The following C1QTNF6 variants were observed in gnomAD, a reference collection of about 807,000 sequenced individuals.
C1QTNF6 encodes the protein complement C1q tumor necrosis factor-related protein 6.
C1QTNF6 carries 17 observed loss-of-function variants against 20.7 expected under a neutral mutation model. The ratio of observed to expected loss-of-function variants is 0.82; its 90% CI spans 0.56 to 1.23. C1QTNF6 has a LOEUF of 1.23. Ranked by LOEUF, C1QTNF6 falls within the 50% of genes most tolerant of loss-of-function variation. The probability of loss-of-function intolerance (pLI) is 0.00; values close to 1 mark genes in which losing one functional copy is unlikely to be tolerated. For synonymous variants in C1QTNF6, 130 were observed against 156.3 expected (o/e 0.83, Z 1.25); for missense variants, 329 against 389.7 (o/e 0.84, Z 1.31).
Position 37,181,898 on chromosome 22 carries a change from C to T in C1QTNF6, c.*290G>A, listed in dbSNP as rs555884512. The T allele has an allele frequency of 1.5e-4, 64 of 441,260 alleles. No individual in the cohort carries two copies. Among genetic ancestry groups the T allele is most frequent in the African/African-American group, 1.1e-3 (56 of 50,620 alleles). 27.3% of individuals were successfully genotyped at this position (441,260 alleles called of 1,614,324 possible). A position where few individuals can be genotyped will look rare whatever the true frequency, so the allele number is the denominator to read the frequency against. On this transcript the variant is annotated 3_prime_UTR_variant, in exon 3 of 3. Coordinates refer to ENST00000337843, the MANE Select transcript of C1QTNF6 (RefSeq NM_031910.4). ...TCAGAATCTGCATTTAACACGAACC[C>T]CGGGTGATTCGCATGCATTTCCAAG...
chr22:37,183,306 G>A (rs1161427727), intron 2 of C1QTNF6, among the ~76,000 whole-genome samples: 3 of 152,236 alleles, frequency 2.0e-5, no homozygotes, highest in Non-Finnish European at 4.4e-5. Context: ...TTTTAAAGAG[G>A]ATTATGTCCA....
rs922018789 is a variant in C1QTNF6 at position 37,181,333 on chromosome 22, G to A, written c.*855C>T. Reference sequence around the variant, plus strand: ...AGTGGTGCAGGCCTGAGCAAGAGAAGAGGGGGAAGGGGTAAAGAGAACATA... The same window carrying A: ...AGTGGTGCAGGCCTGAGCAAGAGAAAAGGGGGAAGGGGTAAAGAGAACATA... On this transcript the variant is annotated 3_prime_UTR_variant, in exon 3 of 3. Coordinates refer to ENST00000337843, the MANE Select transcript of C1QTNF6 (RefSeq NM_031910.4). The A allele has an allele frequency of 1.3e-5, 2 of 152,468 alleles. No individual in the cohort carries two copies. The highest frequency in any genetic ancestry group is 2.9e-5 in the Non-Finnish European group (2 of 68,226). The allele number at this position is 152,468 out of a possible 1,614,324, so 9.4% of individuals were successfully genotyped here. A position where few individuals can be genotyped will look rare whatever the true frequency, so the allele number is the denominator to read the frequency against.
intron 1 of C1QTNF6, 81 bp from the exon 2 acceptor site, chr22:37,185,536 C>G: frequency 1.4e-6 from 2 of 1,443,646 alleles, no homozygotes; most frequent in Non-Finnish European, 1.8e-6. Flanking sequence ...GCGGGTGCTG[C>G]GTCCTCCAGC....
intron 2 of C1QTNF6, among the ~76,000 whole-genome samples, chr22:37,183,645 G>T (rs956747657): frequency 4.6e-5 from 7 of 152,370 alleles, no homozygotes; most frequent in African/African-American, 1.7e-4. Flanking sequence ...TTTCCACAGG[G>T]GGGGAAGGGG....
chr22:37,182,536 C>T lies in C1QTNF6; in HGVS notation c.489G>A (p.Leu163=). Residue 163 remains leucine (L), a synonymous_variant, in exon 3 of 3, where the codon CTG becomes CTA. Transcript: ENST00000337843. ...GGTTCACAAAGACCCTTTCGAAGAG[C>T]AGCGTCTGGAAGTCCTCGCCGCTGT... The part of the protein sequence containing the change: ...ALHSGEDFQT[L]LFERVFVNLD... The T allele has an allele frequency of 5.0e-6, 8 of 1,614,250 alleles. No individual in the cohort carries two copies. The highest frequency in any genetic ancestry group is 6.8e-6 in the Non-Finnish European group (8 of 1,180,046).
upstream of C1QTNF6, chr22:37,188,283 A>AGGAGGTAGAGAGGAGGGGAT: frequency 8.7e-7 from 1 of 1,153,062 alleles, no homozygotes; most frequent in Non-Finnish European, 1.2e-6. Context: ...GGCCCAGCAG[A>AGGAGGTAGAGAGGAGGGGAT]GGAGGGAGAG....
rs1417482799 is a variant in C1QTNF6, at chr22:37,184,599, C to G, written c.289+619G>C. 6.6e-6 allele frequency among the ~76,000 whole-genome samples: 1 copy of G among 152,090 alleles called. No homozygotes were observed. The highest frequency in any genetic ancestry group is 1.5e-5 in the Non-Finnish European group (1 of 67,990). The stretch of plus-strand genomic sequence containing the variant: ...AGGGCTGCATGCTCCGACCCTCGGC[C>G]CCCGCTGGTTGCTCTCCACATGACA... On this transcript the variant is annotated intron_variant, in intron 2 of 2. Transcript: ENST00000337843. This position sits in a 1 kb window ranked among gnomAD's most constrained non-coding sequence, Gnocchi z 4.0.
chr22:37,185,509 G>A, intron 1 of C1QTNF6, 54 bp from the exon 2 acceptor site: 1 of 1,496,282 alleles, frequency 6.7e-7, no homozygotes. Context: ...TCTACTATGT[G>A]CCGATGCCTG....
chr22:37,186,786 T>G (rs1021839887), intron 1 of C1QTNF6, among the ~76,000 whole-genome samples: 7 of 152,278 alleles, frequency 4.6e-5, no homozygotes, highest in Non-Finnish European at 5.9e-5. Flanking sequence ...GTTTATTTCC[T>G]TTTTGTTCTC....
intron 2 of C1QTNF6, 69 bp downstream of exon 2, chr22:37,185,149 C>G: frequency 6.7e-7 from 1 of 1,494,796 alleles, no homozygotes. Context: ...CCGCCCTGCC[C>G]TCTACTCCCT....
upstream of C1QTNF6, chr22:37,191,716 C>T (rs967180144): frequency 1.3e-5 from 2 of 152,112 alleles, no homozygotes; most frequent in Admixed American, 6.5e-5. Context: ...TGTCTCTTTT[C>T]GTTCCTTTCT....
intron 1 of C1QTNF6, chr22:37,197,360 G>C (rs1925200682): frequency 6.6e-6 from 1 of 152,292 alleles, no homozygotes; most frequent in Admixed American, 6.5e-5. Flanking sequence ...GAGGGAGACA[G>C]CTCCTGCCTG....
At chr22:37,185,870 C>G (rs1374261663) in intron 1 of C1QTNF6, 9 of 988,536 alleles carry the variant, frequency 9.1e-6, no homozygotes, top group African/African-American at 1.7e-5. Context: ...CGCCCGCGCA[C>G]CTCCCTCTGG....
In C1QTNF6 at chr22:37,182,062, C is replaced by T; in HGVS notation, c.*126G>A. On this transcript the variant is annotated 3_prime_UTR_variant, in exon 3 of 3. Coordinates refer to ENST00000337843, the MANE Select transcript of C1QTNF6 (RefSeq NM_031910.4). ...ATGGCAGCCAAGATAGAAGCAGGGT[C>T]TCCCCAGAATGCCAGGTCCCCGGGG... is the stretch of plus-strand genomic sequence containing the variant. The T allele has an allele frequency of 9.8e-7, 1 of 1,023,772 alleles. No homozygotes were observed. The highest frequency in any genetic ancestry group is 1.4e-6 in the Non-Finnish European group (1 of 721,560). The allele number at this position is 1,023,772 out of a possible 1,614,324, so 63.4% of individuals were successfully genotyped here.
In C1QTNF6 at chr22:37,194,972, ATCAATAGTTCAGGAGG is replaced by A. The variant is rs562819502; in HGVS notation, n.224+393_224+408del. 4.5e-3 allele frequency among the ~76,000 whole-genome samples: 690 copies of A among 152,314 alleles called. 10 individuals are homozygous for A. The highest frequency in any genetic ancestry group is 0.015 in the African/African-American group (610 of 41,554). ...GAGGCCTCCATTCCATTGACACTGG[ATCAATAGTTCAGGAGG>A]TCGCTTGTCAGTAGCAAAGGTATCT... is the stretch of plus-strand genomic sequence containing the variant. On this transcript the variant is annotated intron_variant and non_coding_transcript_variant, in intron 2 of 4. Transcript: ENST00000467564.
chr22:37,185,922 G>A (rs1924288478), intron 1 of C1QTNF6: 1 of 986,342 alleles, frequency 1.0e-6, no homozygotes, highest in Non-Finnish European at 1.2e-6. Context: ...GCAAACACAT[G>A]CCCTCCGGGC....
At chr22:37,195,524 CAAGA>C (rs1034060818) in intron 1 of C1QTNF6, 3 of 152,064 alleles carry the variant, frequency 2.0e-5, no homozygotes, top group African/African-American at 7.3e-5. Context: ...TGGACTCGCA[CAAGA>C]AAGAATTTGA....
intron 2 of C1QTNF6, among the ~76,000 whole-genome samples, chr22:37,194,387 C>T (rs896156848): frequency 2.6e-5 from 4 of 152,272 alleles, no homozygotes; most frequent in Middle Eastern, 3.4e-3. Flanking sequence ...TAATCAAATT[C>T]CTTGCAGGAG....
intron 2 of C1QTNF6, chr22:37,182,936 G>C (rs1923933953): frequency 7.0e-7 from 1 of 1,428,104 alleles, no homozygotes. Context: ...ACTTCACAGA[G>C]AGGGTGAGTG....
Sources: allele counts gnomAD v4.1 joint callset (sites outside exome capture counted in the v4.1 genomes callset), GRCh38; gene constraint gnomAD v4.1.1; non-coding constraint Gnocchi (gnomAD v3.1); transcripts MANE v1.5; gene names NCBI Gene and HGNC (gene_info 2026-07-23, HGNC 2026-07-21).